The following WDR17 variants were observed in gnomAD, a reference collection of about 807,000 sequenced individuals.
The protein encoded by WDR17 is WD repeat-containing protein 17.
WDR17 carries 143 observed loss-of-function variants against 161.7 expected under a neutral mutation model. That is an observed-to-expected ratio of 0.88 (90% CI 0.77 to 1.02). The LOEUF (loss-of-function observed/expected upper bound fraction) is 1.02, where lower values mean the gene tolerates loss of function less well. Ranked by LOEUF, WDR17 falls within the 50% of genes least tolerant of loss-of-function variation. The pLI, the probability that WDR17 is intolerant of heterozygous loss-of-function variation, is 0.00. For missense variants in WDR17, 1,469 were observed against 1,520.9 expected (o/e 0.97, Z 0.57); for synonymous variants, 517 against 515.6 (o/e 1.00, Z -0.04).
chr4:176,164,677 A>G (rs1749510371), intron 22 of WDR17, among the ~76,000 whole-genome samples: 2 of 152,184 alleles, frequency 1.3e-5, no homozygotes, highest in South Asian at 4.1e-4. Flanking sequence ...GGAAAAGAAC[A>G]ACACTTACAT....
intron 1 of WDR17, among the ~76,000 whole-genome samples, chr4:176,074,663 C>A (rs1223379202): frequency 2.6e-5 from 4 of 151,866 alleles, no homozygotes; most frequent in Non-Finnish European, 5.9e-5. Context: ...CTGTGTTGCC[C>A]AGGCTGGGCT....
intron 6 of WDR17, 76 bp downstream of exon 6, chr4:176,128,936 A>T (rs1579127202): frequency 1.5e-6 from 2 of 1,325,504 alleles, no homozygotes; most frequent in East Asian, 5.4e-5. Context: ...GTATAGTGAG[A>T]TATCAAATAC....
intron 1 of WDR17, among the ~76,000 whole-genome samples, chr4:176,096,883 A>G (rs1736968938): frequency 6.6e-6 from 1 of 151,722 alleles, no homozygotes; most frequent in Non-Finnish European, 1.5e-5. Flanking sequence ...AGATTAATAT[A>G]TGAAAATAGC....
intron 1 of WDR17, among the ~76,000 whole-genome samples, chr4:176,083,214 C>G (rs1293617344): frequency 6.6e-6 from 1 of 151,902 alleles, no homozygotes; most frequent in Non-Finnish European, 1.5e-5. Context: ...GGGATTCTGG[C>G]TAGGAATTTG....
intron 1 of WDR17, among the ~76,000 whole-genome samples, chr4:176,073,374 G>C (rs897210667): frequency 1.3e-5 from 2 of 151,920 alleles, no homozygotes; most frequent in Non-Finnish European, 2.9e-5. Context: ...TTGTCCTTGC[G>C]ATAGTTTGCT....
At chr4:176,070,568 C>T (rs909475643) in intron 1 of WDR17, among the ~76,000 whole-genome samples, 1 of 151,966 alleles carries the variant, frequency 6.6e-6, no homozygotes, top group Non-Finnish European at 1.5e-5. Context: ...TGCTGGAGTG[C>T]AGTGGTGTGA....
In WDR17 at chr4:176,091,306, T is replaced by A. The variant is rs576349131; in HGVS notation, c.-6-20269T>A. 2.4e-4 allele frequency among the ~76,000 whole-genome samples: 36 copies of A among 152,254 alleles called. No homozygotes were observed. In the South Asian group the frequency reaches 6.4e-3, roughly 27 times the overall value. On this transcript the variant is annotated intron_variant, in intron 1 of 28. Coordinates refer to ENST00000508596, the MANE Select transcript of WDR17 (RefSeq NM_181265.4). ...AAATCATATGAAATATCTTTTCTGG[T>A]CACAATGGAATAAAACTAGAAATTA...
chr4:176,133,378 T>TA (rs571544131), intron 7 of WDR17, among the ~76,000 whole-genome samples: 4,489 of 72,648 alleles, frequency 0.062, 311 homozygotes, highest in Admixed American at 0.077. Flanking sequence ...TCTACTAAGC[T>TA]AAAAAAAAAA....
At chr4:176,107,961 G>C in intron 1 of WDR17, among the ~76,000 whole-genome samples, 1 of 82,980 alleles carries the variant, frequency 1.2e-5, no homozygotes, top group South Asian at 3.8e-4. Flanking sequence ...TTTCCCTTTT[G>C]TCCCTTCCTT....
In WDR17 at chr4:176,152,899, C is replaced by A. The variant is rs188028454; in HGVS notation, c.2460+932C>A. Among the ~76,000 whole-genome samples the A allele has an allele frequency of 5.9e-5, 9 of 151,262 alleles. No individual in the cohort carries two copies. The East Asian group carries it at 1.7e-3, about 29-fold the overall frequency. On this transcript the variant is annotated intron_variant, in intron 17 of 28. Coordinates refer to ENST00000508596, the MANE Select transcript of WDR17 (RefSeq NM_181265.4). ...GCACGGAGCCGAGATCGCACCATTGCACTCCAGCCTGGCGACAGAGCAAGA... is the reference window on the plus strand; with the variant it reads ...GCACGGAGCCGAGATCGCACCATTGAACTCCAGCCTGGCGACAGAGCAAGA...
At chr4:176,085,230 C>T (rs1219648545) in intron 1 of WDR17, among the ~76,000 whole-genome samples, 1 of 152,020 alleles carries the variant, frequency 6.6e-6, no homozygotes, top group Non-Finnish European at 1.5e-5. Context: ...AATTCATTAA[C>T]TCCATGTATC....
chr4:176,141,842 C>G lies in WDR17; in HGVS notation c.1443-141C>G, dbSNP rs1198111419. ...TATAATTGGTAACATTTATACAGTA[C>G]TTTCAAATGTTCTTTTTGCTTTGTA... On this transcript the variant is annotated intron_variant, in intron 10 of 28. Coordinates refer to ENST00000508596, the MANE Select transcript of WDR17 (RefSeq NM_181265.4). The G allele has an allele frequency of 9.4e-6, 6 of 636,946 alleles. No individual in the cohort carries two copies. The East Asian group carries it at 1.7e-4, about 18-fold the overall frequency. 39.5% of individuals were successfully genotyped at this position (636,946 alleles called of 1,614,324 possible). A position where few individuals can be genotyped will look rare whatever the true frequency, so the allele number is the denominator to read the frequency against.
chr4:176,107,550 C>A (rs188600319), intron 1 of WDR17, among the ~76,000 whole-genome samples: 1 of 150,952 alleles, frequency 6.6e-6, no homozygotes, highest in Non-Finnish European at 1.5e-5. Flanking sequence ...ATCACAGACA[C>A]GTGGATAAGG....
At chr4:176,155,966 C>A in intron 17 of WDR17, 113 bp from the exon 18 acceptor site, 2 of 948,992 alleles carry the variant, frequency 2.1e-6, no homozygotes, top group Non-Finnish European at 3.1e-6. Flanking sequence ...GACTCAAGAA[C>A]TCAAATATAA....
At chr4:176,121,272 TCA>T (rs1741539526) in intron 4 of WDR17, among the ~76,000 whole-genome samples, 5 of 152,236 alleles carry the variant, frequency 3.3e-5, no homozygotes, top group African/African-American at 1.2e-4. Context: ...TTATAGTTGG[TCA>T]TTAAGGCTGA....
At chr4:176,088,641 G>A (rs999471245) in intron 1 of WDR17, among the ~76,000 whole-genome samples, 4 of 152,126 alleles carry the variant, frequency 2.6e-5, no homozygotes, top group East Asian at 1.9e-4. Context: ...AATTAAGGAC[G>A]TAGAGGACCT....
At position 176,152,294 on chromosome 4, in the gene WDR17, C is replaced by CAAAAAAAAAAAAAAAAAAAAAAA. The variant is rs397837505; in HGVS notation, c.2460+347_2460+348insAAAAAAAAAAAAAAAAAAAAAAA. ...TGGGCTACAGAAAGAGACCCTATCTCAAAAAAAAAAAAAAAAAAAAGCCTG... is the reference window on the plus strand; with the variant it reads ...TGGGCTACAGAAAGAGACCCTATCTCAAAAAAAAAAAAAAAAAAAAAAAAAAAAAAAAAAAAAAAAAAAGCCTG... On this transcript the variant is annotated intron_variant, in intron 17 of 28. Coordinates refer to ENST00000508596, the MANE Select transcript of WDR17 (RefSeq NM_181265.4). Among the ~76,000 whole-genome samples the CAAAAAAAAAAAAAAAAAAAAAAA allele has an allele frequency of 7.2e-4, 52 of 72,134 alleles. 2 individuals carry two copies. Among genetic ancestry groups the CAAAAAAAAAAAAAAAAAAAAAAA allele is most frequent in the Non-Finnish European group, 1.1e-3 (39 of 36,336 alleles). The allele number at this position is 72,134 out of a possible 152,430, so 47.3% of individuals were successfully genotyped here.
intron 1 of WDR17, among the ~76,000 whole-genome samples, chr4:176,110,344 T>C (rs1163811924): frequency 1.3e-5 from 2 of 152,136 alleles, no homozygotes; most frequent in Admixed American, 6.5e-5. Context: ...GGTTTCACCA[T>C]GTTAGCCTCC....
intron 9 of WDR17, among the ~76,000 whole-genome samples, chr4:176,139,405 A>T (rs985238410): frequency 4.6e-5 from 7 of 151,950 alleles, no homozygotes; most frequent in Non-Finnish European, 8.8e-5. Flanking sequence ...TTATTATAGG[A>T]ATAACATGAA....
Sources: gnomAD v4.1 joint callset for allele counts (sites outside exome capture counted in the v4.1 genomes callset) on GRCh38, gnomAD v4.1.1 for gene constraint, MANE v1.5 for transcripts, NCBI Gene and HGNC (gene_info 2026-07-23, HGNC 2026-07-21) for gene names.